MSR1: variants seen among roughly 807,000 people sequenced by gnomAD.
MSR1 encodes the protein macrophage scavenger receptor types I and II.
A neutral mutation model predicts 47.2 loss-of-function variants in MSR1; 53 were observed. That is an observed-to-expected ratio of 1.12 (90% confidence interval 0.90 to 1.41). The LOEUF (loss-of-function observed/expected upper bound fraction) is 1.41, where lower values mean the gene tolerates loss of function less well. MSR1 is among the 40% of genes most tolerant of loss of function. MSR1 has a pLI of 0.00. For synonymous variants in MSR1, 239 were observed against 185.6 expected, an observed-to-expected ratio of 1.29 and a Z score of -2.34; for missense variants, 786 against 546.9, an observed-to-expected ratio of 1.44 and a Z score of -4.36.
chr8:16,162,921 T>C (rs1439038956), intron 5 of MSR1, among the ~76,000 whole-genome samples: 1 of 151,642 alleles, frequency 6.6e-6, no homozygotes. Context: ...AAAAGAAAAA[T>C]AATATTGACT....
rs113930846 is a variant in MSR1 at position 16,133,004 on chromosome 8, G to A, written c.1033+10554C>T. ...AGAGGTGTTGAATTTTATCAGAAGC[G>A]TTTGCTGTATCTATTGAGATCATCA... On this transcript the variant is annotated intron_variant, in intron 8 of 9. Coordinates refer to ENST00000262101, the MANE Select transcript of MSR1 (RefSeq NM_138715.3). 8.1e-4 allele frequency among the ~76,000 whole-genome samples: 124 copies of A among 152,156 alleles called. 1 individual carries two copies. The highest frequency in any genetic ancestry group is 2.6e-3 in the African/African-American group (107 of 41,548).
At chr8:16,177,085 G>C (rs925957983) in intron 2 of MSR1, among the ~76,000 whole-genome samples, 1 of 152,170 alleles carries the variant, frequency 6.6e-6, no homozygotes, top group Admixed American at 6.5e-5. Flanking sequence ...AGATACAGCT[G>C]AGTATTGCTA....
chr8:16,183,819 A>G (rs1485512324), intron 1 of MSR1, among the ~76,000 whole-genome samples: 2 of 143,874 alleles, frequency 1.4e-5, no homozygotes, highest in East Asian at 3.9e-4. Context: ...CAAATATATT[A>G]TATATTATAT....
chr8:16,159,897 G>A (rs996260144), intron 5 of MSR1, among the ~76,000 whole-genome samples: 6 of 151,856 alleles, frequency 4.0e-5, no homozygotes, highest in Middle Eastern at 3.2e-3. Context: ...AGATATCTTC[G>A]AATACAAATC....
rs1433772339 is a variant in MSR1, at chr8:16,108,047, A to T, written c.*2038T>A. ...TAGATTACTTATTAAAGATATATCT[A>T]TGCATAAGTGGTAAATCAGCATGCA... On this transcript the variant is annotated 3_prime_UTR_variant, in exon 10 of 10. Transcript: ENST00000262101. 1.3e-5 allele frequency: 2 copies of T among 151,886 alleles called. No homozygotes were observed. Among genetic ancestry groups the T allele is most frequent in the Admixed American group, 1.3e-4 (2 of 15,256 alleles). The allele number at this position is 151,886 out of a possible 1,614,324, so 9.4% of individuals were successfully genotyped here.
chr8:16,118,769 A>C (rs748183745), intron 9 of MSR1, among the ~76,000 whole-genome samples: 1 of 152,214 alleles, frequency 6.6e-6, no homozygotes, highest in East Asian at 1.9e-4. Flanking sequence ...TGATGGCATC[A>C]TTCAATTCTC....
At chr8:16,181,616 A>G (rs1013167821) in intron 1 of MSR1, among the ~76,000 whole-genome samples, 2 of 151,868 alleles carry the variant, frequency 1.3e-5, no homozygotes, top group African/African-American at 4.8e-5. Context: ...ACATGGACCC[A>G]GGGAGGGGAA....
intron 4 of MSR1, among the ~76,000 whole-genome samples, chr8:16,166,021 G>C (rs35501361): frequency 1.4e-3 from 214 of 152,152 alleles, no homozygotes; most frequent in African/African-American, 4.8e-3. Flanking sequence ...AATTTAGGGG[G>C]CTAAAAATTG....
chr8:16,115,874 G>C lies in MSR1; in HGVS notation c.1222+4544C>G, dbSNP rs559205044. Among the ~76,000 whole-genome samples, 23 of 152,236 alleles carry C rather than the reference G, an allele frequency of 1.5e-4. No homozygotes were observed. The East Asian group carries it at 3.7e-3, about 24-fold the overall frequency. On this transcript the variant is annotated intron_variant, in intron 9 of 9. Coordinates refer to ENST00000262101, the MANE Select transcript of MSR1 (RefSeq NM_138715.3). ...ATGTGGTGCAGGCCTGTGGTCCCGAGAAACTCTGCAGGCTAAGGTGGGAGG... is the reference window on the plus strand; with the variant it reads ...ATGTGGTGCAGGCCTGTGGTCCCGACAAACTCTGCAGGCTAAGGTGGGAGG...
At chr8:16,172,727 A>C (rs1182544548) in intron 3 of MSR1, among the ~76,000 whole-genome samples, 2 of 152,094 alleles carry the variant, frequency 1.3e-5, no homozygotes, top group Non-Finnish European at 2.9e-5. Flanking sequence ...CTGACACAGT[A>C]TTATGTTGTT....
chr8:16,192,183 G>A (rs1802217461), intron 1 of MSR1, among the ~76,000 whole-genome samples: 1 of 151,960 alleles, frequency 6.6e-6, no homozygotes, highest in African/African-American at 2.4e-5. Context: ...GATAATAAAA[G>A]GCATTAGATT....
At chr8:16,182,874 A>C (rs1329206164) in intron 1 of MSR1, among the ~76,000 whole-genome samples, 67 of 152,152 alleles carry the variant, frequency 4.4e-4, no homozygotes, top group Non-Finnish European at 2.9e-5. Context: ...GTAAATACAT[A>C]AACCATTAAC....
At chr8:16,130,973 T>G (rs1313755889) in intron 8 of MSR1, among the ~76,000 whole-genome samples, 1 of 152,118 alleles carries the variant, frequency 6.6e-6, no homozygotes, top group South Asian at 2.1e-4. Flanking sequence ...GTAGAACGAT[T>G]TGTATTCTTC....
chr8:16,164,854 C>T (rs1158671266), intron 4 of MSR1, among the ~76,000 whole-genome samples: 1 of 151,972 alleles, frequency 6.6e-6, no homozygotes, highest in Non-Finnish European at 1.5e-5. Flanking sequence ...TATATTTATA[C>T]ATACACATTC....
At chr8:16,174,219 G>A (rs1801572502) in intron 3 of MSR1, among the ~76,000 whole-genome samples, 3 of 151,790 alleles carry the variant, frequency 2.0e-5, no homozygotes, top group Admixed American at 6.6e-5. Context: ...CTGCCCTGTA[G>A]CAGAGGAACT....
intron 2 of MSR1, 64 bp from the exon 3 acceptor site, chr8:16,175,364 G>T: frequency 7.8e-7 from 1 of 1,289,424 alleles, no homozygotes; most frequent in Non-Finnish European, 1.1e-6. Flanking sequence ...AATTAAAATT[G>T]TTTTAATCTC....
At chr8:16,118,363 C>T (rs1337069402) in intron 9 of MSR1, among the ~76,000 whole-genome samples, 1 of 152,078 alleles carries the variant, frequency 6.6e-6, no homozygotes, top group African/African-American at 2.4e-5. Flanking sequence ...ATGTTTTATA[C>T]AATTATGTAT....
At chr8:16,192,286 T>G (rs1802220018) in intron 1 of MSR1, among the ~76,000 whole-genome samples, 1 of 152,146 alleles carries the variant, frequency 6.6e-6, no homozygotes, top group Non-Finnish European at 1.5e-5. Context: ...TTAAACAAAA[T>G]ATGCTTAATT....
At chr8:16,178,167 A>G (rs910341260) in intron 1 of MSR1, among the ~76,000 whole-genome samples, 175 bp from the exon 2 acceptor site, 10 of 151,026 alleles carry the variant, frequency 6.6e-5, no homozygotes, top group African/African-American at 2.4e-4. Flanking sequence ...GGTCTGTCAT[A>G]TATTATACAT....
Sources: allele counts gnomAD v4.1 joint callset (sites outside exome capture counted in the v4.1 genomes callset), GRCh38; gene constraint gnomAD v4.1.1; transcripts MANE v1.5; gene names NCBI Gene and HGNC (gene_info 2026-07-23, HGNC 2026-07-21).